NWD2: variants seen among roughly 807,000 people sequenced by gnomAD.
The protein encoded by NWD2 is NACHT and WD repeat domain containing 2, also known as NACHT and WD repeat domain-containing protein 2.
NWD2 carries 37 observed loss-of-function variants against 132.7 expected under a neutral mutation model. That is an observed-to-expected ratio of 0.28 (90% CI 0.21 to 0.37). The LOEUF (loss-of-function observed/expected upper bound fraction) is 0.37. Among genes scored for constraint, NWD2 ranks in the 10% least tolerant of loss-of-function variants. NWD2 has a pLI of 1.00. For missense variants in NWD2, 1,592 were observed against 2,122.4 expected (o/e 0.75, Z 4.91); for synonymous variants, 705 against 803.0 (o/e 0.88, Z 2.06).
At chr4:37,252,367 ATGGATCTT>A (rs1717395200) in intron 1 of NWD2, among the ~76,000 whole-genome samples, 1 of 152,230 alleles carries the variant, frequency 6.6e-6, no homozygotes, top group Admixed American at 6.5e-5. Context: ...AAATCAGCTT[ATGGATCTT>A]TTAAAATTCT....
intron 3 of NWD2, among the ~76,000 whole-genome samples, chr4:37,402,144 T>C (rs1315622257): frequency 6.6e-6 from 1 of 152,234 alleles, no homozygotes; most frequent in African/African-American, 2.4e-5. Flanking sequence ...CCTTATGCCA[T>C]GTTATGACAC....
Position 37,430,703 on chromosome 4 carries a change from A to T in NWD2, c.489A>T (p.Arg163=). 1 of 1,551,642 alleles carries T rather than the reference A, an allele frequency of 6.4e-7. No homozygotes were observed. Among genetic ancestry groups the T allele is most frequent in the Non-Finnish European group, 8.7e-7 (1 of 1,146,856 alleles). The part of the protein sequence containing the change: ...ETKLLEEWYC[R]DENSVPAAYY... ...AGTTGCTGGAGGAGTGGTACTGTCG[A>T]GATGAGAACTCGGTGCCAGCAGCCT... is the stretch of plus-strand genomic sequence containing the variant. Residue 163 remains arginine, a synonymous_variant, in exon 4 of 7, where the codon CGA becomes CGT. Transcript: ENST00000309447.
At chr4:37,352,360 T>C (rs1467347223) in intron 2 of NWD2, among the ~76,000 whole-genome samples, 1 of 152,068 alleles carries the variant, frequency 6.6e-6, no homozygotes, top group Admixed American at 6.6e-5. Context: ...ATCTTGGTGC[T>C]CTTGAATTGG....
intron 3 of NWD2, among the ~76,000 whole-genome samples, chr4:37,383,593 A>G (rs942760383): frequency 6.6e-6 from 1 of 152,224 alleles, no homozygotes; most frequent in Non-Finnish European, 1.5e-5. Context: ...CAGGGCATAG[A>G]AAACACCTGC....
intron 2 of NWD2, 110 bp from the exon 3 acceptor site, chr4:37,356,256 T>C: frequency 1.8e-6 from 1 of 548,932 alleles, no homozygotes; most frequent in East Asian, 3.0e-5. Context: ...TTCCCCTCTG[T>C]AAGAGAAAAC....
intron 3 of NWD2, among the ~76,000 whole-genome samples, chr4:37,418,643 T>A (rs371143269): frequency 1.9e-4 from 19 of 99,472 alleles, no homozygotes; most frequent in South Asian, 3.6e-4. Flanking sequence ...AAAAAAAAAA[T>A]ATATATATAT....
At position 37,321,015 on chromosome 4, in the gene NWD2, G is replaced by A. The variant is rs769158298; in HGVS notation, c.152-4921G>A. Among the ~76,000 whole-genome samples the A allele has an allele frequency of 2.0e-5, 3 of 152,206 alleles. No individual in the cohort carries two copies. In the East Asian group the frequency reaches 5.8e-4, roughly 29 times the overall value. ...GTACTAATAATATAAAAGTTAACCAGGTGTGGTGGCACACACCTGTAATCC... is the reference window on the plus strand; with the variant it reads ...GTACTAATAATATAAAAGTTAACCAAGTGTGGTGGCACACACCTGTAATCC... On this transcript the variant is annotated intron_variant, in intron 1 of 6. Coordinates refer to ENST00000309447, the MANE Select transcript of NWD2 (RefSeq NM_001144990.2).
Position 37,430,523 on chromosome 4 carries a change from T to C in NWD2, c.358-49T>C, listed in dbSNP as rs931509237. The C allele has an allele frequency of 8.3e-5, 110 of 1,332,000 alleles. No individual in the cohort carries two copies. The Admixed American group carries it at 2.2e-3, about 26-fold the overall frequency. 82.5% of individuals were successfully genotyped at this position (1,332,000 alleles called of 1,614,324 possible). ...TGACCATGTGATGTGAATACTAAAA[T>C]GAACTTTCTTGGTGATACACTAAAT... On this transcript the variant is annotated intron_variant, in intron 3 of 6. Transcript: ENST00000309447.
intron 1 of NWD2, among the ~76,000 whole-genome samples, chr4:37,290,547 A>G (rs1339114812): frequency 6.6e-6 from 1 of 152,224 alleles, no homozygotes; most frequent in Non-Finnish European, 1.5e-5. Flanking sequence ...AAAGGCTTCC[A>G]AGAGAAACTG....
chr4:37,366,981 A>G (rs1323669920), intron 3 of NWD2, among the ~76,000 whole-genome samples: 2 of 152,182 alleles, frequency 1.3e-5, no homozygotes, highest in African/African-American at 2.4e-5. Flanking sequence ...ACATGACCTA[A>G]TTAACATTTA....
intron 1 of NWD2, among the ~76,000 whole-genome samples, chr4:37,310,876 C>A: frequency 6.8e-6 from 1 of 147,128 alleles, no homozygotes; most frequent in African/African-American, 2.5e-5. Context: ...GAGTGAGAAC[C>A]TGCAGTGTTT....
chr4:37,433,701 CA>C (rs1712238184), intron 4 of NWD2, among the ~76,000 whole-genome samples, 174 bp from the exon 5 acceptor site: 1 of 152,210 alleles, frequency 6.6e-6, no homozygotes, highest in South Asian at 2.1e-4. Context: ...ACATGCAACA[CA>C]GAAATAATTT....
intron 3 of NWD2, among the ~76,000 whole-genome samples, chr4:37,368,878 C>T (rs144786794): frequency 6.6e-6 from 1 of 152,138 alleles, no homozygotes; most frequent in East Asian, 1.9e-4. Context: ...TAACTAAAGG[C>T]AGTGAGTTCA....
At chr4:37,410,347 T>C (rs1331271844) in intron 3 of NWD2, among the ~76,000 whole-genome samples, 2 of 150,976 alleles carry the variant, frequency 1.3e-5, no homozygotes, top group Admixed American at 1.3e-4. Flanking sequence ...AAGGCAGGAG[T>C]TGCAATCCTA....
intron 1 of NWD2, among the ~76,000 whole-genome samples, chr4:37,300,419 C>T (rs1025926826): frequency 6.6e-6 from 1 of 152,046 alleles, no homozygotes; most frequent in Non-Finnish European, 1.5e-5. Flanking sequence ...ATTAGTAGAT[C>T]TGAAAGGCCT....
At position 37,443,660 on chromosome 4, in the gene NWD2, T is replaced by C. The variant is rs1712546795; in HGVS notation, c.1672T>C (p.Cys558Arg). 6.4e-7 allele frequency: 1 copy of C among 1,551,800 alleles called. No individual in the cohort carries two copies. The highest frequency in any genetic ancestry group is 8.7e-7 in the Non-Finnish European group (1 of 1,147,080). Residue 558 changes from cysteine to arginine, a missense_variant, in exon 7 of 7, where the codon TGC (cysteine) becomes CGC (arginine). This residue lies in a region of NWD2 where 1,071 missense variants were observed against 1,398.0 expected (regional missense o/e 0.77). Transcript: ENST00000309447. This position sits in a 1 kb window ranked among gnomAD's most constrained non-coding sequence, Gnocchi z 4.1. ...NKHGILQKLR[C>R]LIHEEDNYIE... ...ACATGGGATCTTGCAGAAACTAAGG[T>C]GCCTTATCCATGAAGAAGACAACTA... is the stretch of plus-strand genomic sequence containing the variant.
chr4:37,280,511 A>T (rs58285163), intron 1 of NWD2, among the ~76,000 whole-genome samples: 3,608 of 152,238 alleles, frequency 0.024, 146 homozygotes, highest in African/African-American at 0.082. Flanking sequence ...ACATAGGGAG[A>T]ACGTGCAGAC....
intron 3 of NWD2, among the ~76,000 whole-genome samples, chr4:37,416,798 A>G (rs755134530): frequency 2.7e-4 from 41 of 152,240 alleles, no homozygotes; most frequent in Non-Finnish European, 5.3e-4. Flanking sequence ...TGGTATTTGC[A>G]GCAACCCGGG....
At chr4:37,348,671 T>TACACAC (rs1396602989) in intron 2 of NWD2, among the ~76,000 whole-genome samples, 101 of 61,332 alleles carry the variant, frequency 1.6e-3, no homozygotes, top group African/African-American at 7.3e-3. Context: ...TATATATATA[T>TACACAC]ATATACACAC....
Sources: gnomAD v4.1 joint callset for allele counts (sites outside exome capture counted in the v4.1 genomes callset) on GRCh38, gnomAD v4.1.1 for gene constraint, gnomAD v4.1.1 regional missense constraint, Gnocchi (gnomAD v3.1) non-coding constraint, MANE v1.5 for transcripts, NCBI Gene and HGNC (gene_info 2026-07-23, HGNC 2026-07-21) for gene names.